The following SAR1A variants were observed in gnomAD, a reference collection of about 807,000 sequenced individuals.
SAR1A encodes secretion associated Ras related GTPase 1A.
In SAR1A, 6 loss-of-function variants were observed where a neutral mutation model predicts 22.6. The observed-to-expected ratio is 0.27, with a 90% CI of 0.15 to 0.52. The LOEUF (loss-of-function observed/expected upper bound fraction) is 0.52. SAR1A is among the 20% of genes least tolerant of loss of function. The pLI is 0.96. For synonymous variants in SAR1A, 70 were observed against 82.2 expected (o/e 0.85, Z 0.80); for missense variants, 145 against 245.1 (o/e 0.59, Z 2.73).
At chr10:70,162,528 G>A (rs2136718111) in intron 1 of SAR1A, among the ~76,000 whole-genome samples, 1 of 146,266 alleles carries the variant, frequency 6.8e-6, no homozygotes, top group South Asian at 2.3e-4. Context: ...GGAAGGGGAG[G>A]GGAGGAAGCA....
At chr10:70,154,976 G>A (rs978959951) in intron 5 of SAR1A, 5 of 422,402 alleles carry the variant, frequency 1.2e-5, no homozygotes, top group African/African-American at 2.1e-5. Context: ...CATAAACAAC[G>A]GCTTTGCATT....
At chr10:70,162,195 C>T (rs1056056441) in intron 1 of SAR1A, among the ~76,000 whole-genome samples, 1 of 151,602 alleles carries the variant, frequency 6.6e-6, no homozygotes, top group African/African-American at 2.4e-5. Flanking sequence ...AAAAAAATAG[C>T]TGGACATAAT....
intron 1 of SAR1A, among the ~76,000 whole-genome samples, chr10:70,169,762 C>G (rs1002219368): frequency 6.6e-6 from 1 of 152,158 alleles, no homozygotes; most frequent in African/African-American, 2.4e-5. Context: ...CCGATGGAAT[C>G]AACAAGACAA....
intron 6 of SAR1A, among the ~76,000 whole-genome samples, chr10:70,153,286 C>T (rs1839348500): frequency 6.6e-6 from 1 of 152,234 alleles, no homozygotes. Context: ...CAATTGAAGA[C>T]AGTAAAAACT....
chr10:70,151,223 A>G lies in SAR1A; in HGVS notation c.*1253T>C, dbSNP rs1449087877. The G allele has an allele frequency of 3.0e-5, 4 of 131,260 alleles. No homozygotes were observed. The highest frequency in any genetic ancestry group is 6.2e-5 in the Non-Finnish European group (4 of 64,750). 8.1% of individuals were successfully genotyped at this position (131,260 alleles called of 1,614,324 possible). On this transcript the variant is annotated 3_prime_UTR_variant, in exon 7 of 7. Transcript: ENST00000373241. Reference sequence around the variant, plus strand: ...AAAGTTTTTGGGTTAGTGTTTCCCTAGCTTATTTCTGCAATGGAGAAAGAC... The same window carrying G: ...AAAGTTTTTGGGTTAGTGTTTCCCTGGCTTATTTCTGCAATGGAGAAAGAC...
At chr10:70,156,688 A>G (rs578223903) in intron 5 of SAR1A, among the ~76,000 whole-genome samples, 5,377 of 141,868 alleles carry the variant, frequency 0.038, 118 homozygotes, top group East Asian at 0.06. Context: ...AAAAAAAAAA[A>G]GCAAGGTAAA....
rs533969440 is a variant in SAR1A at position 70,157,927 on chromosome 10, C to T, written c.245-60G>A. 7.1e-6 allele frequency: 8 copies of T among 1,122,732 alleles called. No individual in the cohort carries two copies. The African/African-American group carries it at 1.2e-4, about 18-fold the overall frequency. The allele number at this position is 1,122,732 out of a possible 1,614,324, so 69.5% of individuals were successfully genotyped here. Reference sequence around the variant, plus strand: ...AATATACATTGTGAAAATGAATAACCTAATGGTCTATAAAATGGACAAATC... The same window carrying T: ...AATATACATTGTGAAAATGAATAACTTAATGGTCTATAAAATGGACAAATC... On this transcript the variant is annotated intron_variant, in intron 4 of 6. Transcript: ENST00000373241.
At chr10:70,155,662 AGTCTCAGAG>A (rs1405157906) in intron 5 of SAR1A, among the ~76,000 whole-genome samples, 1 of 152,228 alleles carries the variant, frequency 6.6e-6, no homozygotes, top group Non-Finnish European at 1.5e-5. Context: ...AGTCTAACAC[AGTCTCAGAG>A]GTCAAGGGAG....
chr10:70,163,842 A>C, intron 1 of SAR1A: 8 of 1,537,996 alleles, frequency 5.2e-6, no homozygotes, highest in Non-Finnish European at 6.3e-6. Context: ...GGACATGATT[A>C]ATGAAGTAGA....
intron 5 of SAR1A, among the ~76,000 whole-genome samples, chr10:70,157,423 A>AAC (rs1351868882): frequency 5.4e-5 from 7 of 129,008 alleles, no homozygotes; most frequent in African/African-American, 1.9e-4. Context: ...AAAAAAAAAA[A>AAC]AAAAAACAGA....
chr10:70,164,208 C>T (rs776945563), intron 1 of SAR1A: 47 of 598,474 alleles, frequency 7.9e-5, no homozygotes, highest in Non-Finnish European at 1.3e-4. Context: ...CTGTAAAAGG[C>T]TTCTCCCTAC....
Position 70,157,785 on chromosome 10 carries a change from C to T in SAR1A, c.327G>A (p.Val109=). 1.2e-6 allele frequency: 2 copies of T among 1,613,196 alleles called. No individual in the cohort carries two copies. The highest frequency in any genetic ancestry group is 2.2e-5 in the South Asian group (2 of 91,030). ...ATACATTAAGCTCAACTTTGGATTCCACGAGGCGAGAATGATCTGCACAGT... is the reference window on the plus strand; with the variant it reads ...ATACATTAAGCTCAACTTTGGATTCTACGAGGCGAGAATGATCTGCACAGT... ...LVDCADHSRL[V]ESKVELNALM... is the part of the protein sequence containing the mutation. The change falls in exon 5 of 7, where the codon GTG becomes GTA. Residue 109 remains valine, a synonymous_variant. Transcript: ENST00000373241.
chr10:70,170,239 G>A (rs116491950), intron 1 of SAR1A, among the ~76,000 whole-genome samples, 174 bp downstream of exon 1: 258 of 151,968 alleles, frequency 1.7e-3, no homozygotes, highest in African/African-American at 5.9e-3. Context: ...GAGCAGATCT[G>A]GCCAAGTTGT....
At position 70,147,354 on chromosome 10, in the gene SAR1A, C is replaced by A. The variant is rs1839265104; in HGVS notation, c.*5122G>T. 6.6e-6 allele frequency: 1 copy of A among 152,120 alleles called. No individual in the cohort carries two copies. The highest frequency in any genetic ancestry group is 1.5e-5 in the Non-Finnish European group (1 of 68,028). The allele number at this position is 152,120 out of a possible 1,614,324, so 9.4% of individuals were successfully genotyped here. A position where few individuals can be genotyped will look rare whatever the true frequency, so the allele number is the denominator to read the frequency against. ...GTGTGCACATTTCACATAACATAACCACCAGCCAGGATTTATCTAGGCCAG... is the reference window on the plus strand; with the variant it reads ...GTGTGCACATTTCACATAACATAACAACCAGCCAGGATTTATCTAGGCCAG... On this transcript the variant is annotated 3_prime_UTR_variant, in exon 7 of 7. Coordinates refer to ENST00000373241, the MANE Select transcript of SAR1A (RefSeq NM_020150.5).
intron 1 of SAR1A, chr10:70,163,865 T>C (rs964904255): frequency 1.9e-6 from 3 of 1,591,728 alleles, no homozygotes; most frequent in Admixed American, 1.7e-5. Flanking sequence ...CTGATGGTAA[T>C]GGCACAATTG....
chr10:70,163,784 G>C, intron 1 of SAR1A: 2 of 1,163,982 alleles, frequency 1.7e-6, no homozygotes, highest in Non-Finnish European at 2.6e-6. Flanking sequence ...AAAGAAACTA[G>C]GAACTGTAAT....
Position 70,164,976 on chromosome 10 carries a change from G to A in SAR1A, c.-16-3045C>T, listed in dbSNP as rs1000647144. Among the ~76,000 whole-genome samples, 4 of 152,296 alleles carry A rather than the reference G, an allele frequency of 2.6e-5. No homozygotes were observed. The South Asian group carries it at 8.3e-4, about 32-fold the overall frequency. On this transcript the variant is annotated intron_variant, in intron 1 of 6. Transcript: ENST00000373241. The stretch of plus-strand genomic sequence containing the variant: ...TCCATTCTGCTTCCCATGGATCAAG[G>A]AGTATTTTCGATTTGCCAGTCTTTC...
At chr10:70,153,080 A>C (rs1839346304) in intron 6 of SAR1A, among the ~76,000 whole-genome samples, 1 of 152,264 alleles carries the variant, frequency 6.6e-6, no homozygotes, top group Admixed American at 6.5e-5. Flanking sequence ...ATTTCTATAA[A>C]GAAACCGATA....
chr10:70,161,163 A>G (rs1839463203), intron 3 of SAR1A, 94 bp from the exon 4 acceptor site: 5 of 922,678 alleles, frequency 5.4e-6, no homozygotes, highest in Non-Finnish European at 8.4e-6. Context: ...TTCATCTTGT[A>G]AAGAAAAAGA....
Sources: allele counts gnomAD v4.1 joint callset (sites outside exome capture counted in the v4.1 genomes callset), GRCh38; gene constraint gnomAD v4.1.1; transcripts MANE v1.5; gene names NCBI Gene and HGNC (gene_info 2026-07-23, HGNC 2026-07-21).